Variants in FIGN observed in about 807,000 individuals in gnomAD.
FIGN encodes fidgetin, microtubule severing factor, also known as fidgetin.
In FIGN, 11 loss-of-function variants were observed where a neutral mutation model predicts 51.3. The ratio of observed to expected loss-of-function variants is 0.21; its 90% CI spans 0.13 to 0.35. The LOEUF (loss-of-function observed/expected upper bound fraction) is 0.35, where lower values mean the gene tolerates loss of function less well. FIGN is among the 10% of genes least tolerant of loss of function. FIGN has a pLI of 1.00. For synonymous variants in FIGN, 407 were observed against 363.2 expected (o/e 1.12, Z -1.37); for missense variants, 857 against 943.6 (o/e 0.91, Z 1.20).
intron 2 of FIGN, among the ~76,000 whole-genome samples, chr2:163,635,617 C>G (rs913261285): frequency 6.6e-6 from 1 of 152,052 alleles, no homozygotes; most frequent in South Asian, 2.1e-4. Flanking sequence ...ATATTAGAAA[C>G]AAACATTGTA....
At chr2:163,735,135 GAAGA>G (rs1256520128) in intron 1 of FIGN, 63 bp from the exon 2 acceptor site, 2 of 535,104 alleles carry the variant, frequency 3.7e-6, no homozygotes, top group Non-Finnish European at 6.6e-6. Context: ...GATCACAGGA[GAAGA>G]AAGAAAGGAA....
intron 2 of FIGN, among the ~76,000 whole-genome samples, chr2:163,655,152 G>A (rs559192985): frequency 6.9e-4 from 105 of 151,742 alleles, no homozygotes; most frequent in Middle Eastern, 3.4e-3. Flanking sequence ...ACAGTATTTC[G>A]GGCCATGACC....
rs748833902 is a variant in FIGN, at chr2:163,610,346, C to G, written c.1486G>C (p.Ala496Pro). 2 of 1,614,158 alleles carry G rather than the reference C, an allele frequency of 1.2e-6. No homozygotes were observed. The highest frequency in any genetic ancestry group is 1.7e-6 in the Non-Finnish European group (2 of 1,180,032). Reference protein sequence around the residue: ...NDIAGLDLVKAVIKEEVLWPV... With the variant: ...NDIAGLDLVKPVIKEEVLWPV... ...CATAAAACCTCCTCTTTAATGACAG[C>G]CTTCACCAGGTCGAGACCAGCAATG... is the stretch of plus-strand genomic sequence containing the variant. Residue 496 changes from alanine (A) to proline (P), a missense_variant, in exon 3 of 3, where the codon GCT (alanine) becomes CCT (proline). By Grantham distance (27) the Ala-to-Pro change is conservative. Transcript: ENST00000333129.
chr2:163,612,502 C>T (rs1682770749), intron 2 of FIGN: 2 of 985,164 alleles, frequency 2.0e-6, no homozygotes, highest in Non-Finnish European at 2.4e-6. Flanking sequence ...GGCAGCGCTC[C>T]ATCGCTTTCA....
intron 2 of FIGN, among the ~76,000 whole-genome samples, chr2:163,612,960 GTGAAGCAAAGTTGACTA>G (rs1430715523): frequency 1.1e-4 from 16 of 152,002 alleles, no homozygotes; most frequent in African/African-American, 3.9e-4. Flanking sequence ...GGGTTACTAA[GTGAAGCAAAGTTGACTA>G]TGTAGCAAAC....
In FIGN at chr2:163,611,036, C is replaced by T. The variant is rs752658889; in HGVS notation, c.796G>A (p.Gly266Arg). The T allele has an allele frequency of 1.1e-5, 17 of 1,613,848 alleles. No individual in the cohort carries two copies. In the South Asian group the frequency reaches 1.2e-4, roughly 11 times the overall value. Residue 266 changes from glycine to arginine, a missense_variant, in exon 3 of 3, where the codon GGG (glycine) becomes AGG (arginine). Coordinates refer to ENST00000333129, the MANE Select transcript of FIGN (RefSeq NM_018086.4). ...TACGCTGAAGGCGGAGGCGGTGCCC[C>T]CCCAGGGCTGTACCCAGACCCCACA... ...TAVGSGYSPGGAPPPPSAYLP... is the reference protein window; with the variant it reads ...TAVGSGYSPGRAPPPPSAYLP...
At chr2:163,617,994 A>G (rs1384820880) in intron 2 of FIGN, among the ~76,000 whole-genome samples, 3 of 152,316 alleles carry the variant, frequency 2.0e-5, no homozygotes, top group Middle Eastern at 3.4e-3. Context: ...CAGAATTTAT[A>G]AGTCAGTTTT....
intron 2 of FIGN, among the ~76,000 whole-genome samples, chr2:163,709,419 C>A (rs1052116284): frequency 1.2e-4 from 18 of 152,062 alleles, no homozygotes; most frequent in Admixed American, 1.2e-3. Context: ...ATATAAAGTA[C>A]AAAAGAGTTC....
chr2:163,701,956 A>G (rs937532173), intron 2 of FIGN, among the ~76,000 whole-genome samples: 1 of 152,038 alleles, frequency 6.6e-6, no homozygotes, highest in Non-Finnish European at 1.5e-5. Context: ...AGATTTTGCA[A>G]CCTCGCCCCC....
intron 2 of FIGN, among the ~76,000 whole-genome samples, chr2:163,677,912 A>G (rs1683998774): frequency 6.6e-6 from 1 of 152,194 alleles, no homozygotes; most frequent in African/African-American, 2.4e-5. Context: ...TATATACTGA[A>G]TAACGCAATG....
At chr2:163,712,332 C>A (rs1020149549) in intron 2 of FIGN, among the ~76,000 whole-genome samples, 4 of 152,054 alleles carry the variant, frequency 2.6e-5, no homozygotes, top group African/African-American at 9.7e-5. Flanking sequence ...ATGTATGTTT[C>A]TTTTAATCTA....
chr2:163,716,988 AT>A (rs1559031152), intron 2 of FIGN, among the ~76,000 whole-genome samples: 2 of 152,094 alleles, frequency 1.3e-5, no homozygotes, highest in Non-Finnish European at 2.9e-5. Context: ...ACTTGAATAT[AT>A]TTTTTATTAC....
At chr2:163,707,223 C>G (rs548558923) in intron 2 of FIGN, among the ~76,000 whole-genome samples, 2 of 152,048 alleles carry the variant, frequency 1.3e-5, no homozygotes, top group Non-Finnish European at 2.9e-5. Flanking sequence ...GTGGCATGTG[C>G]CTGTAATCCC....
At chr2:163,644,127 T>C (rs1462683162) in intron 2 of FIGN, among the ~76,000 whole-genome samples, 1 of 151,872 alleles carries the variant, frequency 6.6e-6, no homozygotes, top group Admixed American at 6.6e-5. Flanking sequence ...AACGTTTTGC[T>C]TCAAATGAAA....
In FIGN at chr2:163,607,529, T is replaced by C. The variant is rs1171948749; in HGVS notation, c.*2023A>G. ...TAAGAAATCCCTCATGAGCTTTCTC[T>C]ATGTTAAGTGTTTCAGAGAATTGGA... On this transcript the variant is annotated 3_prime_UTR_variant, in exon 3 of 3. Transcript: ENST00000333129. 1 of 146,412 alleles carries C rather than the reference T, an allele frequency of 6.8e-6. No individual in the cohort carries two copies. Among genetic ancestry groups the C allele is most frequent in the Non-Finnish European group, 1.5e-5 (1 of 64,686 alleles). The allele number at this position is 146,412 out of a possible 1,614,324, so 9.1% of individuals were successfully genotyped here.
intron 2 of FIGN, among the ~76,000 whole-genome samples, chr2:163,698,459 G>A (rs1684357258): frequency 6.6e-6 from 1 of 151,914 alleles, no homozygotes; most frequent in South Asian, 2.1e-4. Flanking sequence ...CCAAGACAGG[G>A]AGGCCCTGAA....
At chr2:163,675,581 C>T (rs1028949315) in intron 2 of FIGN, among the ~76,000 whole-genome samples, 6 of 152,250 alleles carry the variant, frequency 3.9e-5, no homozygotes, top group East Asian at 1.9e-4. Context: ...GAATCGCTGA[C>T]CCAGACTCAG....
chr2:163,694,630 G>A lies in FIGN; in HGVS notation c.25+40273C>T, dbSNP rs1573955459. On this transcript the variant is annotated intron_variant, in intron 2 of 2. Transcript: ENST00000333129. ...TATGAAGAAACTGAGGTCCAGGAAAGTAAAGTCACTGGGACAAGATCATAT... is the reference window on the plus strand; with the variant it reads ...TATGAAGAAACTGAGGTCCAGGAAAATAAAGTCACTGGGACAAGATCATAT... 2.6e-5 allele frequency among the ~76,000 whole-genome samples: 4 copies of A among 152,270 alleles called. No homozygotes were observed. In the South Asian group the frequency reaches 8.3e-4, roughly 32 times the overall value.
At chr2:163,618,199 G>A (rs1172801622) in intron 2 of FIGN, among the ~76,000 whole-genome samples, 1 of 152,080 alleles carries the variant, frequency 6.6e-6, no homozygotes, top group East Asian at 1.9e-4. Flanking sequence ...ACATTTTAGA[G>A]ATTAAAACTA....
Sources: gnomAD v4.1 joint callset for allele counts (sites outside exome capture counted in the v4.1 genomes callset) on GRCh38, gnomAD v4.1.1 for gene constraint, MANE v1.5 for transcripts, NCBI Gene and HGNC (gene_info 2026-07-23, HGNC 2026-07-21) for gene names.